The following RPL17 variants were observed in gnomAD, a reference collection of about 807,000 sequenced individuals.
RPL17 encodes large ribosomal subunit protein uL22.
RPL17 carries 2 observed loss-of-function variants against 27.7 expected under a neutral mutation model. The ratio of observed to expected loss-of-function variants is 0.07; its 90% confidence interval spans 0.03 to 0.23. The LOEUF (loss-of-function observed/expected upper bound fraction) is 0.23. Ranked by LOEUF, RPL17 falls within the 10% of genes least tolerant of loss-of-function variation. RPL17 has a pLI of 1.00. For missense variants in RPL17, 141 were observed against 238.8 expected (o/e 0.59, Z 2.70); for synonymous variants, 76 against 75.5 (o/e 1.01, Z -0.03).
At chr18:49,490,382 G>C (rs1039276281) in intron 5 of RPL17, 72 bp downstream of exon 5, 24 of 1,479,762 alleles carry the variant, frequency 1.6e-5, no homozygotes, top group Non-Finnish European at 1.9e-5. Context: ...GAAAATCAAG[G>C]ACATAAATCT....
rs2148820824 is a variant in RPL17 at position 49,490,372 on chromosome 18, G to A, written c.315+82C>T. On this transcript the variant is annotated intron_variant, in intron 5 of 6. Transcript: ENST00000580261. ...CCTAAGAGTTAATTACTGAAAACAA[G>A]AAAATCAAGGACATAAATCTGAACA... The A allele has an allele frequency of 2.1e-6, 3 of 1,440,180 alleles. No homozygotes were observed. In the South Asian group the frequency reaches 3.7e-5, roughly 18 times the overall value. 89.2% of individuals were successfully genotyped at this position (1,440,180 alleles called of 1,614,324 possible).
chr18:49,490,605 C>T, intron 4 of RPL17, 53 bp from the exon 5 acceptor site: 1 of 1,610,188 alleles, frequency 6.2e-7, no homozygotes, highest in South Asian at 1.1e-5. Context: ...ATTAACATTA[C>T]AGCCAAGATG....
chr18:49,490,739 C>A (rs1331084705), intron 4 of RPL17, 54 bp downstream of exon 4: 2 of 1,611,934 alleles, frequency 1.2e-6, no homozygotes. Flanking sequence ...TTATCCTATC[C>A]CATCACTTTT....
intron 1 of RPL17, 96 bp from the exon 2 acceptor site, chr18:49,491,680 T>C (rs1398703492): frequency 2.1e-6 from 3 of 1,422,942 alleles, no homozygotes; most frequent in African/African-American, 2.8e-5. Flanking sequence ...CAGAGAGTAG[T>C]TGTTTTCATT....
chr18:49,491,398 C>T lies in RPL17; in HGVS notation c.81+7G>A, dbSNP rs778171467. 4 of 1,614,002 alleles carry T rather than the reference C, an allele frequency of 2.5e-6. No homozygotes were observed. Among genetic ancestry groups the T allele is most frequent in the East Asian group, 2.2e-5 (1 of 44,894 alleles). Reference sequence around the variant, plus strand: ...GAACTGTTGGATCACAACTATGAATCGCATACCTTAAAGTGAACACGAAGA... The same window carrying T: ...GAACTGTTGGATCACAACTATGAATTGCATACCTTAAAGTGAACACGAAGA... On this transcript the variant is annotated splice_region_variant and intron_variant, in intron 3 of 6. Transcript: ENST00000580261.
At position 49,490,160 on chromosome 18, in the gene RPL17, A is replaced by G. The variant is rs138454214; in HGVS notation, c.315+294T>C. ...AAAGGTGTATGTCACAAAAAGGGGT[A>G]AAAGCCCCTGGTAAAGTACCTCCAG... On this transcript the variant is annotated intron_variant, in intron 5 of 6. Coordinates refer to ENST00000580261, the MANE Select transcript of RPL17 (RefSeq NM_001035006.5). 34 of 331,490 alleles carry G rather than the reference A, an allele frequency of 1.0e-4. No individual in the cohort carries two copies. In the East Asian group the frequency reaches 1.9e-3, roughly 19 times the overall value. 20.5% of individuals were successfully genotyped at this position (331,490 alleles called of 1,614,324 possible). A position where few individuals can be genotyped will look rare whatever the true frequency, so the allele number is the denominator to read the frequency against.
intron 3 of RPL17, 46 bp downstream of exon 3, chr18:49,491,359 G>A (rs1408654037): frequency 5.6e-6 from 9 of 1,613,702 alleles, no homozygotes; most frequent in Admixed American, 1.7e-5. Flanking sequence ...TACCTTTTTT[G>A]AGTGGAACAT....
chr18:49,491,257 G>T (rs369136776), intron 3 of RPL17, 148 bp downstream of exon 3: 1 of 1,259,956 alleles, frequency 7.9e-7, no homozygotes, highest in Non-Finnish European at 1.2e-6. Context: ...CTTACACCCT[G>T]ATCATCAATG....
At chr18:49,492,042 T>A (rs1232719025) in intron 1 of RPL17, 2 of 323,868 alleles carry the variant, frequency 6.2e-6, no homozygotes, top group East Asian at 1.5e-4. Flanking sequence ...AGAGCCCTCC[T>A]GTACGCAACA....
rs781215428 is a variant in RPL17 at position 49,490,778 on chromosome 18, A to G, written c.216+15T>C. On this transcript the variant is annotated intron_variant, in intron 4 of 6. Coordinates refer to ENST00000580261, the MANE Select transcript of RPL17 (RefSeq NM_001035006.5). ...TTAAAATCTGTCTTTTCAAATGGCAACTAAGAATTCTCACCTGCGCACACC... is the reference window on the plus strand; with the variant it reads ...TTAAAATCTGTCTTTTCAAATGGCAGCTAAGAATTCTCACCTGCGCACACC... 12 of 1,612,658 alleles carry G rather than the reference A, an allele frequency of 7.4e-6. No individual in the cohort carries two copies. In the Admixed American group the frequency reaches 1.2e-4, roughly 16 times the overall value.
chr18:49,491,509 G>C (rs368333575), intron 2 of RPL17, 23 bp downstream of exon 2: 1 of 1,614,162 alleles, frequency 6.2e-7, no homozygotes. Context: ...TAGGAAATGG[G>C]TATCTACCTC....
chr18:49,491,042 G>T, intron 3 of RPL17, 115 bp from the exon 4 acceptor site: 1 of 1,509,800 alleles, frequency 6.6e-7, no homozygotes, highest in Non-Finnish European at 8.9e-7. Flanking sequence ...TATTCTTTGG[G>T]GGCAAGGCAA....
intron 6 of RPL17, 145 bp from the exon 7 acceptor site, chr18:49,488,711 G>C: frequency 1.6e-6 from 1 of 624,380 alleles, no homozygotes; most frequent in Non-Finnish European, 2.9e-6. Flanking sequence ...CAGAACTTAA[G>C]TTCATTAGAT....
chr18:49,490,234 A>C (rs545789702), intron 5 of RPL17: 1 of 528,332 alleles, frequency 1.9e-6, no homozygotes, highest in South Asian at 2.2e-5. Flanking sequence ...AGGCTTAAAG[A>C]GACCACAGAG....
At chr18:49,491,983 G>A (rs1205991331) in intron 1 of RPL17, 4 of 362,440 alleles carry the variant, frequency 1.1e-5, no homozygotes, top group Non-Finnish European at 2.2e-5. Context: ...CAGGGCTGCA[G>A]GTAGTGAGTG....
rs34048856 is a variant in RPL17 at position 49,488,903 on chromosome 18, G to GTT, written c.508-339_508-338dup. Among the ~76,000 whole-genome samples the GTT allele has an allele frequency of 2.8e-3, 416 of 146,642 alleles. 1 individual carries two copies. The highest frequency in any genetic ancestry group is 6.2e-3 in the African/African-American group (247 of 39,918). ...TGAGGTACTGAATATAAAACTACCA[G>GTT]TTTTTTTTTTTTTGAGACAGCGTCT... On this transcript the variant is annotated intron_variant, in intron 6 of 6. Coordinates refer to ENST00000580261, the MANE Select transcript of RPL17 (RefSeq NM_001035006.5).
chr18:49,491,301 A>G, intron 3 of RPL17, 104 bp downstream of exon 3: 1 of 1,554,918 alleles, frequency 6.4e-7, no homozygotes, highest in Non-Finnish European at 8.9e-7. Context: ...GAATTTATTA[A>G]TTTTCACGGT....
At chr18:49,491,296 T>G (rs772530118) in intron 3 of RPL17, 109 bp downstream of exon 3, 73 of 1,536,724 alleles carry the variant, frequency 4.8e-5, no homozygotes, top group Non-Finnish European at 6.3e-5. Flanking sequence ...GCTCAGAATT[T>G]ATTAATTTTC....
Position 49,489,515 on chromosome 18 carries a change from G to C in RPL17, c.351C>G (p.Ile117Met). Residue 117 changes from isoleucine to methionine, a missense_variant, in exon 6 of 7, where the codon ATC (isoleucine) becomes ATG (methionine). By Grantham distance (10) the Ile-to-Met change is conservative. Around this residue, in one of 2 missense-constraint regions of RPL17, gnomAD observed 107 missense variants for 150.1 expected, o/e 0.71. Transcript: ENST00000580261. ...LDVDSLVIEH[I>M]QVNKAPKMRR... ...GCATCTTAGGTGCTTTGTTCACTTGGATATGCTCAATGACCAGAGAATCTA... is the reference window on the plus strand; with the variant it reads ...GCATCTTAGGTGCTTTGTTCACTTGCATATGCTCAATGACCAGAGAATCTA... 6.2e-7 allele frequency: 1 copy of C among 1,601,172 alleles called. No individual in the cohort carries two copies.
Sources: gnomAD v4.1 joint callset for allele counts (sites outside exome capture counted in the v4.1 genomes callset) on GRCh38, gnomAD v4.1.1 for gene constraint, gnomAD v4.1.1 regional missense constraint, MANE v1.5 for transcripts, NCBI Gene and HGNC (gene_info 2026-07-23, HGNC 2026-07-21) for gene names.